AKR1D1: variants seen among roughly 807,000 people sequenced by gnomAD.
The protein encoded by AKR1D1 is aldo-keto reductase family 1 member D1, also known as delta(4)-3-ketosteroid 5-beta-reductase.
A neutral mutation model predicts 42.6 loss-of-function variants in AKR1D1; 32 were observed. The ratio of observed to expected loss-of-function variants is 0.75; its 90% CI spans 0.57 to 1.01. The LOEUF is 1.01. Ranked by LOEUF, AKR1D1 falls within the 50% of genes least tolerant of loss-of-function variation. The pLI, the probability that AKR1D1 is intolerant of heterozygous loss-of-function variation, is 0.00. For synonymous variants in AKR1D1, 123 were observed against 135.5 expected, an observed-to-expected ratio of 0.91 and a Z score of 0.64; for missense variants, 364 against 402.2, an observed-to-expected ratio of 0.91 and a Z score of 0.81.
intron 2 of AKR1D1, among the ~76,000 whole-genome samples, chr7:138,089,192 A>T (rs28609414): frequency 0.57 from 85,799 of 151,704 alleles, 24,489 homozygotes; most frequent in Middle Eastern, 0.61. Context: ...TACAAAAAAA[A>T]ATACAAAAAT....
At chr7:138,085,648 G>C (rs1314051121) in intron 1 of AKR1D1, among the ~76,000 whole-genome samples, 2 of 151,966 alleles carry the variant, frequency 1.3e-5, no homozygotes, top group Admixed American at 1.3e-4. Context: ...GTTTCACCAT[G>C]TTGGCCAGGC....
At chr7:138,094,153 A>C (rs1794139858) in intron 3 of AKR1D1, among the ~76,000 whole-genome samples, 1 of 152,230 alleles carries the variant, frequency 6.6e-6, no homozygotes. Flanking sequence ...AACTGAACCT[A>C]TAATTGGGAA....
intron 7 of AKR1D1, among the ~76,000 whole-genome samples, chr7:138,109,219 A>G (rs1030704136): frequency 1.3e-5 from 2 of 152,228 alleles, no homozygotes; most frequent in African/African-American, 2.4e-5. Context: ...TTTTTGCTAC[A>G]TGATAGAATG....
At chr7:138,090,358 CG>C (rs775091687) in intron 2 of AKR1D1, among the ~76,000 whole-genome samples, 3 of 151,988 alleles carry the variant, frequency 2.0e-5, no homozygotes, top group Non-Finnish European at 2.9e-5. Context: ...TGATTCAGGC[CG>C]GGTGCAGTGG....
intron 7 of AKR1D1, among the ~76,000 whole-genome samples, chr7:138,108,047 G>A (rs1394998572): frequency 6.6e-6 from 1 of 152,134 alleles, no homozygotes; most frequent in Non-Finnish European, 1.5e-5. Context: ...AACAGAAATT[G>A]AGTGAATAAA....
At chr7:138,076,872 A>G (rs1004612906) in intron 1 of AKR1D1, among the ~76,000 whole-genome samples, 1 of 152,136 alleles carries the variant, frequency 6.6e-6, no homozygotes, top group Non-Finnish European at 1.5e-5. Flanking sequence ...AATTTAGCTA[A>G]ATGCTGATTA....
chr7:138,109,790 C>G (rs899484079), intron 7 of AKR1D1, among the ~76,000 whole-genome samples: 1 of 152,118 alleles, frequency 6.6e-6, no homozygotes, highest in African/African-American at 2.4e-5. Flanking sequence ...AAGATTAAAA[C>G]ACATTTTGAT....
At chr7:138,107,117 T>G in intron 6 of AKR1D1, 1 of 575,498 alleles carries the variant, frequency 1.7e-6, no homozygotes, top group Non-Finnish European at 3.2e-6. Context: ...TCTCTATTTC[T>G]TCCACTTCAG....
In AKR1D1 at chr7:138,091,389, G is replaced by C. The variant is rs529456659; in HGVS notation, c.262-379G>C. The C allele has an allele frequency of 1.8e-3, 568 of 308,806 alleles. 6 individuals are homozygous for C. Among genetic ancestry groups the C allele is most frequent in the South Asian group, 0.016 (555 of 33,828 alleles). 19.1% of individuals were successfully genotyped at this position (308,806 alleles called of 1,614,324 possible). A position where few individuals can be genotyped will look rare whatever the true frequency, so the allele number is the denominator to read the frequency against. ...AAGGAGGAGGGTTTTTAGGTCAAGT[G>C]TATGTGAGTAGCTGCACTCCCCTAC... On this transcript the variant is annotated intron_variant, in intron 2 of 8. Coordinates refer to ENST00000242375, the MANE Select transcript of AKR1D1 (RefSeq NM_005989.4).
At chr7:138,091,909 G>A (rs955819793) in intron 3 of AKR1D1, 25 bp downstream of exon 3, 2 of 1,518,242 alleles carry the variant, frequency 1.3e-6, no homozygotes, top group African/African-American at 1.4e-5. Context: ...CCAAAGGTCA[G>A]GTCTCTGCAC....
chr7:138,088,418 C>T (rs534440685), intron 1 of AKR1D1, among the ~76,000 whole-genome samples, 183 bp from the exon 2 acceptor site: 11 of 152,252 alleles, frequency 7.2e-5, no homozygotes, highest in African/African-American at 2.2e-4. Context: ...ACTGAGGGAG[C>T]GGAGGCCCCT....
chr7:138,084,788 T>C (rs953363752), intron 1 of AKR1D1, among the ~76,000 whole-genome samples: 7 of 152,074 alleles, frequency 4.6e-5, no homozygotes, highest in Admixed American at 2.6e-4. Flanking sequence ...CCGGGTGCAG[T>C]GGCTCACGCC....
At chr7:138,106,193 AC>A (rs1303087950) in intron 5 of AKR1D1, among the ~76,000 whole-genome samples, 2 of 152,212 alleles carry the variant, frequency 1.3e-5, no homozygotes, top group Non-Finnish European at 2.9e-5. Flanking sequence ...TACTAAAAAA[AC>A]AATTTGTCAA....
At chr7:138,105,833 C>T (rs936716182) in intron 5 of AKR1D1, among the ~76,000 whole-genome samples, 17 of 151,874 alleles carry the variant, frequency 1.1e-4, no homozygotes, top group Non-Finnish European at 2.2e-4. Flanking sequence ...TGCAGTGAGC[C>T]GAGATTGCGC....
intron 7 of AKR1D1, among the ~76,000 whole-genome samples, chr7:138,109,448 A>G (rs1045328632): frequency 1.3e-5 from 2 of 152,172 alleles, no homozygotes; most frequent in African/African-American, 4.8e-5. Context: ...TGAAGAGTGA[A>G]GATGATCAGA....
intron 1 of AKR1D1, among the ~76,000 whole-genome samples, chr7:138,077,456 C>T (rs73155728): frequency 2.0e-5 from 3 of 152,108 alleles, no homozygotes; most frequent in Admixed American, 6.5e-5. Flanking sequence ...ACCTCTCCCT[C>T]GGTCCCTCCC....
chr7:138,079,799 C>T (rs1169815639), intron 1 of AKR1D1, among the ~76,000 whole-genome samples: 2 of 152,238 alleles, frequency 1.3e-5, no homozygotes, highest in Admixed American at 6.5e-5. Context: ...GCTCTGGCCA[C>T]ACAGTCACAT....
At chr7:138,091,375 T>G in intron 2 of AKR1D1, 16 of 235,518 alleles carry the variant, frequency 6.8e-5, no homozygotes, top group Non-Finnish European at 1.1e-4. Context: ...AGGAGGAGGG[T>G]TTTTAGGTCA....
At chr7:138,116,400 C>G (rs893001057) in intron 8 of AKR1D1, among the ~76,000 whole-genome samples, 2 of 152,078 alleles carry the variant, frequency 1.3e-5, no homozygotes, top group African/African-American at 4.8e-5. Flanking sequence ...AGGTGGCCAC[C>G]AACCTTCCCT....
Sources: allele counts gnomAD v4.1 joint callset (sites outside exome capture counted in the v4.1 genomes callset), GRCh38; gene constraint gnomAD v4.1.1; transcripts MANE v1.5; gene names NCBI Gene and HGNC (gene_info 2026-07-23, HGNC 2026-07-21).